TERT: variants seen among roughly 807,000 people sequenced by gnomAD.
TERT encodes the protein telomerase reverse transcriptase.
A neutral mutation model predicts 104.0 loss-of-function variants in TERT; 42 were observed. The ratio of observed to expected loss-of-function variants is 0.40; its 90% confidence interval spans 0.32 to 0.52. The LOEUF (loss-of-function observed/expected upper bound fraction) is 0.52. Ranked by LOEUF, TERT falls within the 20% of genes least tolerant of loss-of-function variation. The pLI, the probability that TERT is intolerant of heterozygous loss-of-function variation, is 0.43. For missense variants in TERT, 1,101 were observed against 1,610.3 expected, an observed-to-expected ratio of 0.68 and a Z score of 5.41; for synonymous variants, 781 against 725.6, an observed-to-expected ratio of 1.08 and a Z score of -1.23.
Position 1,258,595 on chromosome 5 carries a change from C to T in TERT, c.3032+3G>A, listed in dbSNP as rs1277161125. The T allele has an allele frequency of 6.4e-7, 1 of 1,565,356 alleles. No homozygotes were observed. The highest frequency in any genetic ancestry group is 1.9e-5 in the Admixed American group (1 of 53,168). On this transcript the variant is annotated splice_donor_region_variant and intron_variant, in intron 13 of 15. Transcript: ENST00000310581. ...GGGCCTGCACCCCTTGGTGGCGGCT[C>T]ACCTGTACGCCTGCAGCAGGAGGAT...
chr5:1,257,924 C>G lies in TERT; in HGVS notation c.3032+674G>C, dbSNP rs951697738. 1.3e-5 allele frequency among the ~76,000 whole-genome samples: 2 copies of G among 152,166 alleles called. No homozygotes were observed. Among genetic ancestry groups the G allele is most frequent in the Admixed American group, 1.3e-4 (2 of 15,284 alleles). ...GAGGTGGAGGCCCGGGCCTGTGGTG[C>G]CCGACTGCCCTTTGGTACAGCCCCG... On this transcript the variant is annotated intron_variant, in intron 13 of 15. Transcript: ENST00000310581. The surrounding 1 kb of genome is among the most constrained non-coding windows in gnomAD (Gnocchi z 5.6).
rs568758536 is a variant in TERT, at chr5:1,265,798, C to T, written c.2654+666G>A. 2.4e-4 allele frequency among the ~76,000 whole-genome samples: 37 copies of T among 152,214 alleles called. 1 individual carries two copies. The highest frequency in any genetic ancestry group is 2.3e-3 in the South Asian group (11 of 4,820). On this transcript the variant is annotated intron_variant, in intron 10 of 15. Transcript: ENST00000310581. This position sits in a 1 kb window ranked among gnomAD's most constrained non-coding sequence, Gnocchi z 6.9. ...CAAGGTTTCTCGTCCCTCGTCAAAT[C>T]GCACTTTAAAACAAGCCCACCGGCT...
At chr5:1,259,050 C>G (rs1747972890) in intron 12 of TERT, among the ~76,000 whole-genome samples, 1 of 138,346 alleles carries the variant, frequency 7.2e-6, no homozygotes, top group Non-Finnish European at 1.5e-5. Flanking sequence ...CAGACGCCCA[C>G]AGGAGAGAGG....
In TERT at chr5:1,269,038, C is replaced by G. The variant is rs954349916; in HGVS notation, c.2469-405G>C. Among the ~76,000 whole-genome samples, 1 of 151,858 alleles carries G rather than the reference C, an allele frequency of 6.6e-6. No individual in the cohort carries two copies. Among genetic ancestry groups the G allele is most frequent in the Non-Finnish European group, 1.5e-5 (1 of 67,996 alleles). On this transcript the variant is annotated intron_variant, in intron 8 of 15. Transcript: ENST00000310581. The surrounding 1 kb of genome is among the most constrained non-coding windows in gnomAD (Gnocchi z 9.0). ...CTCATGACCCTACATGTAGCCGCTG[C>G]GCGCCAACGGATACAACCTTGCCCC... is the stretch of plus-strand genomic sequence containing the variant.
chr5:1,260,847 G>T (rs1053699258), intron 11 of TERT, among the ~76,000 whole-genome samples: 1 of 152,128 alleles, frequency 6.6e-6, no homozygotes, highest in African/African-American at 2.4e-5. Flanking sequence ...AACCTCGCAC[G>T]GCCGTGTTTG....
Position 1,294,471 on chromosome 5 carries a change from G to GC in TERT, c.414dup (p.Leu139AlafsTer53). The GC allele has an allele frequency of 6.3e-7, 1 of 1,589,914 alleles. No homozygotes were observed. Among genetic ancestry groups the GC allele is most frequent in the Non-Finnish European group, 8.5e-7 (1 of 1,176,120 alleles). ...TCGTCGCCCACGCGGCGCAGCAGCA[G>GC]CCCCCACGCCCCGCTCCCCCGCAGT... On this transcript the variant is annotated frameshift_variant, in exon 2 of 16. Transcript: ENST00000310581. LOFTEE classifies it high-confidence loss of function.
intron 13 of TERT, among the ~76,000 whole-genome samples, chr5:1,258,016 C>T (rs938092134): frequency 6.6e-5 from 10 of 152,254 alleles, no homozygotes; most frequent in Admixed American, 5.2e-4. Flanking sequence ...CAGATTGGCC[C>T]TTCCCTCTGT....
rs764171875 is a variant in TERT, at chr5:1,293,323, G to A, written c.1563C>T (p.Arg521=). 3.1e-6 allele frequency: 5 copies of A among 1,612,888 alleles called. No homozygotes were observed. The highest frequency in any genetic ancestry group is 4.2e-6 in the Non-Finnish European group (5 of 1,180,004). ...KMSVRDCAWL[R]RSPGVGCVPA... ...CCACCACCTCCTCACCTGGGCTCCTGCGCAGCCAAGCGCAGTCCCGCACGC... is the reference window on the plus strand; with the variant it reads ...CCACCACCTCCTCACCTGGGCTCCTACGCAGCCAAGCGCAGTCCCGCACGC... Residue 521 remains arginine (R), a synonymous_variant, in exon 2 of 16, where the codon CGC becomes CGT. Transcript: ENST00000310581.
At chr5:1,264,635 C>A (rs1295486400) in intron 10 of TERT, 43 bp from the exon 11 acceptor site, 1 of 1,608,846 alleles carries the variant, frequency 6.2e-7, no homozygotes, top group Non-Finnish European at 8.5e-7. Flanking sequence ...GCGGGGCCGT[C>A]ACCCAGGAGG....
intron 9 of TERT, among the ~76,000 whole-genome samples, chr5:1,267,605 C>T (rs1239183426): frequency 3.3e-5 from 5 of 152,198 alleles, no homozygotes; most frequent in Non-Finnish European, 5.9e-5. Flanking sequence ...CGATGATAGA[C>T]TGGATTAAGA....
At chr5:1,258,485 G>C (rs1747913968) in intron 13 of TERT, 113 bp downstream of exon 13, 2 of 947,668 alleles carry the variant, frequency 2.1e-6, no homozygotes, top group South Asian at 2.8e-5. Context: ...GAAAACGTAA[G>C]ACATTCCTTG....
chr5:1,290,568 C>T (rs1394730189), intron 2 of TERT, among the ~76,000 whole-genome samples: 4 of 74,564 alleles, frequency 5.4e-5, no homozygotes, highest in Non-Finnish European at 9.9e-5. Flanking sequence ...CCTCACTCAC[C>T]CTACACGTGA....
chr5:1,288,445 G>A lies in TERT; in HGVS notation c.1573+4868C>T, dbSNP rs536730644. Among the ~76,000 whole-genome samples the A allele has an allele frequency of 1.2e-4, 18 of 152,224 alleles. No homozygotes were observed. The highest frequency in any genetic ancestry group is 3.4e-4 in the African/African-American group (14 of 41,520). ...TCTGACGAAGGCTGGCGGAGACACC[G>A]GCCCTCCACGTGGGTCTCAGAGCAG... On this transcript the variant is annotated intron_variant, in intron 2 of 15. Transcript: ENST00000310581. The surrounding 1 kb of genome is among the most constrained non-coding windows in gnomAD (Gnocchi z 5.3).
chr5:1,280,435 C>CTTG, intron 3 of TERT, 97 bp from the exon 4 acceptor site: 1 of 1,348,510 alleles, frequency 7.4e-7, no homozygotes, highest in Non-Finnish European at 1.0e-6. Flanking sequence ...TCAGTGAGGG[C>CTTG]TCAGGGCACC....
At chr5:1,276,919 G>T (rs1182996361) in intron 6 of TERT, among the ~76,000 whole-genome samples, 1 of 152,244 alleles carries the variant, frequency 6.6e-6, no homozygotes, top group Non-Finnish European at 1.5e-5. Context: ...TGACTTGAGA[G>T]CACAAAAGCA....
In TERT at chr5:1,292,128, A is replaced by G. The variant is rs2126681088; in HGVS notation, c.1573+1185T>C. 6.6e-6 allele frequency among the ~76,000 whole-genome samples: 1 copy of G among 152,260 alleles called. No homozygotes were observed. Among genetic ancestry groups the G allele is most frequent in the South Asian group, 2.1e-4 (1 of 4,802 alleles). Reference sequence around the variant, plus strand: ...TATGACTTTTGCCACCATAAAAAGAAAAAAAGAAAAAAAAGAGCCCCAAGA... The same window carrying G: ...TATGACTTTTGCCACCATAAAAAGAGAAAAAGAAAAAAAAGAGCCCCAAGA... On this transcript the variant is annotated intron_variant, in intron 2 of 15. Transcript: ENST00000310581. The surrounding 1 kb of genome is among the most constrained non-coding windows in gnomAD (Gnocchi z 5.5).
Position 1,255,603 on chromosome 5 carries a change from C to T in TERT, c.3033-192G>A, listed in dbSNP as rs1292696251. Among the ~76,000 whole-genome samples, 1 of 152,212 alleles carries T rather than the reference C, an allele frequency of 6.6e-6. No homozygotes were observed. Among genetic ancestry groups the T allele is most frequent in the Non-Finnish European group, 1.5e-5 (1 of 68,036 alleles). ...GTGTGCTTGTGTGTGCGAGTAGCTG[C>T]GTGTCTGTGTGTGCACAGGTACACT... is the stretch of plus-strand genomic sequence containing the variant. On this transcript the variant is annotated intron_variant, in intron 13 of 15. Transcript: ENST00000310581. The surrounding 1 kb of genome is among the most constrained non-coding windows in gnomAD (Gnocchi z 6.9).
At chr5:1,290,464 G>A (rs1312111575) in intron 2 of TERT, among the ~76,000 whole-genome samples, 3 of 54,082 alleles carry the variant, frequency 5.5e-5, no homozygotes, top group Admixed American at 1.9e-4. Flanking sequence ...AGGGACACCC[G>A]GGGGCCTCGC....
In TERT at chr5:1,254,452, G is replaced by A. The variant is rs1747568641; in HGVS notation, c.3211C>T (p.Gln1071Ter). ...AGGAATGCTTGGTGGCACAGCCACT[G>A]CACGGCCTCGGAGGGCAGAGGGCCG... ...AAGPLPSEAVQWLCHQAFLLK... is the reference protein window; with the variant it reads ...AAGPLPSEAV The change falls in exon 15 of 16, where the codon CAG (glutamine) becomes TAG (stop). Residue 1071 changes from glutamine (Q) to a stop codon, truncating the protein, a stop_gained. Transcript: ENST00000310581. LOFTEE classifies it high-confidence loss of function. 1 of 1,613,034 alleles carries A rather than the reference G, an allele frequency of 6.2e-7. No individual in the cohort carries two copies. The highest frequency in any genetic ancestry group is 8.5e-7 in the Non-Finnish European group (1 of 1,179,930).
Sources: allele counts gnomAD v4.1 joint callset (sites outside exome capture counted in the v4.1 genomes callset), GRCh38; gene constraint gnomAD v4.1.1; non-coding constraint Gnocchi (gnomAD v3.1); transcripts MANE v1.5; gene names NCBI Gene and HGNC (gene_info 2026-07-23, HGNC 2026-07-21).